Variants in ECT2L observed in about 807,000 individuals in gnomAD.
ECT2L encodes epithelial cell transforming 2 like.
A neutral mutation model predicts 122.8 loss-of-function variants in ECT2L; 126 were observed. The ratio of observed to expected loss-of-function variants is 1.03; its 90% CI spans 0.89 to 1.19. The LOEUF (loss-of-function observed/expected upper bound fraction) is 1.19. Ranked by LOEUF, ECT2L falls within the 50% of genes most tolerant of loss-of-function variation. The pLI, the probability that ECT2L is intolerant of heterozygous loss-of-function variation, is 0.00. For synonymous variants in ECT2L, 385 were observed against 381.8 expected, an observed-to-expected ratio of 1.01 and a Z score of -0.10; for missense variants, 1,012 against 1,064.1, an observed-to-expected ratio of 0.95 and a Z score of 0.68.
chr6:138,823,705 A>G, intron 4 of ECT2L: 1 of 1,380,832 alleles, frequency 7.2e-7, no homozygotes, highest in South Asian at 1.2e-5. Context: ...GTGGCCAAGA[A>G]ATATGGGTCC....
At position 138,901,130 on chromosome 6, in the gene ECT2L, C is replaced by A; in HGVS notation, c.2587+10C>A. The A allele has an allele frequency of 1.2e-6, 2 of 1,612,772 alleles. No individual in the cohort carries two copies. The highest frequency in any genetic ancestry group is 1.1e-5 in the South Asian group (1 of 90,876). The stretch of plus-strand genomic sequence containing the variant: ...ATTCCAGATTCCAAGTGTATGTATT[C>A]TTTTCCTTCCAAGAGACAGATACCT... On this transcript the variant is annotated intron_variant, in intron 21 of 21. Coordinates refer to ENST00000541398, the MANE Select transcript of ECT2L (RefSeq NM_001077706.3).
intron 13 of ECT2L, chr6:138,870,100 G>A (rs766098618): frequency 3.7e-4 from 56 of 152,670 alleles, no homozygotes; most frequent in Non-Finnish European, 6.0e-4. Context: ...GCTAAAAAGT[G>A]TGCTCTCTCT....
intron 1 of ECT2L, among the ~76,000 whole-genome samples, chr6:138,809,190 T>C (rs1326503006): frequency 4.6e-5 from 7 of 152,370 alleles, no homozygotes; most frequent in Admixed American, 2.6e-4. Flanking sequence ...TATTTGCACC[T>C]TATTCAGATT....
chr6:138,838,469 T>G lies in ECT2L; in HGVS notation c.297T>G (p.Cys99Trp). 6.2e-7 allele frequency: 1 copy of G among 1,613,986 alleles called. No homozygotes were observed. The highest frequency in any genetic ancestry group is 8.5e-7 in the Non-Finnish European group (1 of 1,179,972). Residue 99 changes from cysteine (C) to tryptophan (W), a missense_variant, in exon 5 of 22, where the codon TGT becomes TGG. Cys to Trp is a radical substitution (Grantham distance 215). Coordinates refer to ENST00000541398, the MANE Select transcript of ECT2L (RefSeq NM_001077706.3). ...IFSFLSPKDL[C>W]AAAQVSWPWK... is the part of the protein sequence containing the mutation. The stretch of plus-strand genomic sequence containing the variant: ...CCTTTTTGAGTCCGAAAGATTTGTG[T>G]GCCGCTGCCCAAGTCAGCTGGCCCT...
intron 4 of ECT2L, among the ~76,000 whole-genome samples, chr6:138,817,215 A>G (rs917594575): frequency 1.3e-5 from 2 of 152,218 alleles, no homozygotes; most frequent in African/African-American, 4.8e-5. Flanking sequence ...ATTGTAAATA[A>G]TTATTATAAA....
chr6:138,796,184 T>C lies in ECT2L; in HGVS notation c.-252T>C, dbSNP rs1312608736. 6.6e-6 allele frequency: 1 copy of C among 152,236 alleles called. No homozygotes were observed. The highest frequency in any genetic ancestry group is 2.4e-5 in the African/African-American group (1 of 41,460). The allele number at this position is 152,236 out of a possible 1,614,324, so 9.4% of individuals were successfully genotyped here. ...CCACTGTACCGGGCCTCATAGCCAC[T>C]TCCTAGAGGTAAAGCCCGTGGCTTC... On this transcript the variant is annotated 5_prime_UTR_variant, in exon 1 of 22. Transcript: ENST00000541398.
Position 138,901,111 on chromosome 6 carries a change from G to T in ECT2L, c.2578G>T (p.Asp860Tyr). Residue 860 changes from aspartate to tyrosine, a missense_variant, in exon 21 of 22, where the codon GAT becomes TAT. Coordinates refer to ENST00000541398, the MANE Select transcript of ECT2L (RefSeq NM_001077706.3). ...LHRLLIENIP[D>Y]SKYVKNAFIL... Reference sequence around the variant, plus strand: ...TCGGTTACTCATAGAAAATATTCCAGATTCCAAGTGTATGTATTCTTTTCC... The same window carrying T: ...TCGGTTACTCATAGAAAATATTCCATATTCCAAGTGTATGTATTCTTTTCC... 6.2e-7 allele frequency: 1 copy of T among 1,613,858 alleles called. No individual in the cohort carries two copies. Among genetic ancestry groups the T allele is most frequent in the Non-Finnish European group, 8.5e-7 (1 of 1,179,868 alleles).
chr6:138,846,432 A>T, intron 7 of ECT2L, 107 bp from the exon 8 acceptor site: 1 of 1,071,786 alleles, frequency 9.3e-7, no homozygotes, highest in Non-Finnish European at 1.3e-6. Flanking sequence ...CATGGAGGCC[A>T]CGTGCCTTGT....
chr6:138,901,251 G>T, intron 21 of ECT2L, 131 bp downstream of exon 21: 1 of 922,276 alleles, frequency 1.1e-6, no homozygotes, highest in South Asian at 1.9e-5. Context: ...CCCAATATTA[G>T]AATTTCATTA....
intron 5 of ECT2L, among the ~76,000 whole-genome samples, chr6:138,838,963 G>A (rs1776943534): frequency 6.6e-6 from 1 of 152,128 alleles, no homozygotes; most frequent in Admixed American, 6.5e-5. Flanking sequence ...TGTATTTTTA[G>A]TAGAGACGGG....
intron 1 of ECT2L, 61 bp from the exon 2 acceptor site, chr6:138,812,777 C>G (rs1268446798): frequency 6.5e-6 from 1 of 153,142 alleles, no homozygotes; most frequent in African/African-American, 2.4e-5. Flanking sequence ...TGCACTCCAG[C>G]CTGGACAACA....
chr6:138,816,545 C>T (rs374995019), intron 4 of ECT2L, among the ~76,000 whole-genome samples: 7 of 151,984 alleles, frequency 4.6e-5, no homozygotes, highest in Admixed American at 1.3e-4. Flanking sequence ...AGTGCAGTGG[C>T]GCGATCTCAG....
intron 1 of ECT2L, among the ~76,000 whole-genome samples, chr6:138,810,417 A>G (rs1371229374): frequency 2.0e-5 from 3 of 152,226 alleles, no homozygotes; most frequent in Non-Finnish European, 1.5e-5. Flanking sequence ...TCAGGGAAGA[A>G]AGACGTAGGG....
intron 4 of ECT2L, among the ~76,000 whole-genome samples, chr6:138,835,179 C>A (rs1028709613): frequency 2.0e-5 from 3 of 152,110 alleles, no homozygotes; most frequent in Non-Finnish European, 4.4e-5. Context: ...TAATTTTTAA[C>A]TTACAGAAAA....
intron 9 of ECT2L, among the ~76,000 whole-genome samples, chr6:138,853,733 C>T (rs547299101): frequency 1.1e-3 from 173 of 152,220 alleles, no homozygotes; most frequent in African/African-American, 3.9e-3. Context: ...ACTTGCTGAC[C>T]GTCCCCCTAA....
intron 1 of ECT2L, among the ~76,000 whole-genome samples, chr6:138,802,447 A>G (rs1775574092): frequency 6.6e-6 from 1 of 152,246 alleles, no homozygotes; most frequent in South Asian, 2.1e-4. Flanking sequence ...CCATTAGATA[A>G]TCAATACACA....
At chr6:138,844,666 A>C (rs1344046838) in intron 7 of ECT2L, 86 bp downstream of exon 7, 2 of 1,269,980 alleles carry the variant, frequency 1.6e-6, no homozygotes, top group Non-Finnish European at 1.1e-6. Context: ...TCACGCAGAA[A>C]TCTTGTGTAA....
At chr6:138,813,108 T>C in intron 2 of ECT2L, 64 bp from the exon 3 acceptor site, 2 of 543,168 alleles carry the variant, frequency 3.7e-6, no homozygotes, top group Non-Finnish European at 6.5e-6. Flanking sequence ...TATCTATATG[T>C]TATATGTGAA....
chr6:138,896,702 CAA>C (rs1410178116), intron 20 of ECT2L, among the ~76,000 whole-genome samples: 10 of 152,296 alleles, frequency 6.6e-5, no homozygotes, highest in Middle Eastern at 3.4e-3. Flanking sequence ...GGCTGGAGTG[CAA>C]TGGCGTGATC....
Sources: allele counts gnomAD v4.1 joint callset (sites outside exome capture counted in the v4.1 genomes callset), GRCh38; gene constraint gnomAD v4.1.1; transcripts MANE v1.5; gene names NCBI Gene and HGNC (gene_info 2026-07-23, HGNC 2026-07-21).